The following PXDNL variants were observed in gnomAD, a reference collection of about 807,000 sequenced individuals.
PXDNL encodes peroxidasin like.
A neutral mutation model predicts 150.8 loss-of-function variants in PXDNL; 145 were observed. That is an observed-to-expected ratio of 0.96 (90% CI 0.84 to 1.10). The LOEUF (loss-of-function observed/expected upper bound fraction) is 1.10, where lower values mean the gene tolerates loss of function less well. PXDNL is among the 50% of genes least tolerant of loss of function. PXDNL has a pLI of 0.00. For missense variants in PXDNL, 2,087 were observed against 1,873.9 expected (o/e 1.11, Z -2.10); for synonymous variants, 757 against 725.7 (o/e 1.04, Z -0.69).
chr8:51,471,111 G>T (rs969745596), intron 8 of PXDNL, among the ~76,000 whole-genome samples: 3 of 103,010 alleles, frequency 2.9e-5, no homozygotes. Context: ...CTAATATCCA[G>T]AATCTACAAG....
chr8:51,647,294 TTCTC>T (rs1022689063), intron 2 of PXDNL, among the ~76,000 whole-genome samples: 71 of 152,206 alleles, frequency 4.7e-4, no homozygotes, highest in African/African-American at 1.6e-3. Context: ...CCCCAGAAAT[TTCTC>T]TCTATTTCTG....
At chr8:51,654,615 T>C in intron 2 of PXDNL, 74 bp downstream of exon 2, 1 of 1,120,898 alleles carries the variant, frequency 8.9e-7, no homozygotes, top group Non-Finnish European at 1.3e-6. Context: ...ACACTCAGAA[T>C]GACTTTCACG....
chr8:51,487,305 T>C (rs1460237436), intron 5 of PXDNL, among the ~76,000 whole-genome samples: 1 of 152,022 alleles, frequency 6.6e-6, no homozygotes, highest in Non-Finnish European at 1.5e-5. Flanking sequence ...AAAGTAAATC[T>C]TCTGCCTAAG....
chr8:51,400,209 A>G (rs933262663), intron 17 of PXDNL, among the ~76,000 whole-genome samples: 2 of 152,150 alleles, frequency 1.3e-5, no homozygotes, highest in African/African-American at 4.8e-5. Context: ...CACCAAATTC[A>G]TTTATGTTTC....
chr8:51,731,283 G>A (rs1482147969), intron 1 of PXDNL, among the ~76,000 whole-genome samples: 1 of 152,216 alleles, frequency 6.6e-6, no homozygotes, highest in East Asian at 1.9e-4. Flanking sequence ...AGGTGTTACA[G>A]ACCCCATGCA....
chr8:51,531,385 T>C (rs868427), intron 4 of PXDNL, among the ~76,000 whole-genome samples: 41,250 of 152,032 alleles, frequency 0.27, 8,402 homozygotes, highest in African/African-American at 0.57. Flanking sequence ...TCCGCCCCAC[T>C]GCCCACAGCA....
intron 21 of PXDNL, among the ~76,000 whole-genome samples, chr8:51,326,155 T>C (rs1805478236): frequency 6.6e-6 from 1 of 152,210 alleles, no homozygotes; most frequent in Admixed American, 6.5e-5. Context: ...CTGAGTCATC[T>C]TATGTTTGTT....
chr8:51,757,084 A>AT (rs888150575), intron 1 of PXDNL, among the ~76,000 whole-genome samples: 17 of 151,798 alleles, frequency 1.1e-4, no homozygotes, highest in South Asian at 6.3e-4. Context: ...TCTGATAGTG[A>AT]TTTTTTTTTA....
intron 20 of PXDNL, among the ~76,000 whole-genome samples, chr8:51,342,566 G>A (rs140669860): frequency 4.1e-4 from 62 of 152,160 alleles, no homozygotes; most frequent in Admixed American, 2.3e-3. Flanking sequence ...TAAAATCCAC[G>A]ATAGTCTCAA....
chr8:51,359,938 C>T (rs572278106), intron 19 of PXDNL, among the ~76,000 whole-genome samples: 9 of 150,914 alleles, frequency 6.0e-5, no homozygotes, highest in African/African-American at 2.0e-4. Flanking sequence ...CACTGTTCAG[C>T]GGGAAAAAGA....
intron 10 of PXDNL, among the ~76,000 whole-genome samples, chr8:51,451,348 G>T (rs923736228): frequency 6.6e-6 from 1 of 152,110 alleles, no homozygotes; most frequent in Non-Finnish European, 1.5e-5. Context: ...TTGCTAGGTC[G>T]ATGAAGAAAT....
intron 17 of PXDNL, among the ~76,000 whole-genome samples, chr8:51,381,990 G>A (rs1333418978): frequency 2.6e-5 from 4 of 152,044 alleles, no homozygotes; most frequent in Non-Finnish European, 5.9e-5. Context: ...GTGCAAGAAC[G>A]TGCAGGTTTG....
chr8:51,487,846 G>T (rs1810800275), intron 5 of PXDNL, among the ~76,000 whole-genome samples: 1 of 152,152 alleles, frequency 6.6e-6, no homozygotes, highest in Non-Finnish European at 1.5e-5. Context: ...AGGTGTTAGA[G>T]GTTAGTACTT....
chr8:51,665,538 G>A (rs979266002), intron 1 of PXDNL, among the ~76,000 whole-genome samples: 4 of 152,190 alleles, frequency 2.6e-5, no homozygotes, highest in Non-Finnish European at 1.5e-5. Flanking sequence ...TTGAAGAGCA[G>A]GGAAATGTCT....
At position 51,371,886 on chromosome 8, in the gene PXDNL, T is replaced by A. The variant is rs758211662; in HGVS notation, c.3888A>T (p.Gln1296His). 1 of 1,613,808 alleles carries A rather than the reference T, an allele frequency of 6.2e-7. No homozygotes were observed. Among genetic ancestry groups the A allele is most frequent in the East Asian group, 2.2e-5 (1 of 44,886 alleles). ...EIPKVDLRVW[Q>H]DCCADCRSRG... ...ATTATTACTGACCTGCACAGCAGTC[T>A]TGCCACACTCGCAGGTCCACCTTCG... The change falls in exon 19 of 23, where the codon CAA becomes CAT. Residue 1296 changes from glutamine (Q) to histidine (H), a missense_variant. Transcript: ENST00000356297.
At chr8:51,328,064 T>C (rs1279577855) in intron 21 of PXDNL, among the ~76,000 whole-genome samples, 2 of 152,194 alleles carry the variant, frequency 1.3e-5, no homozygotes, top group Non-Finnish European at 2.9e-5. Context: ...CCCTCCATAA[T>C]GTGGGTGGGC....
At chr8:51,496,141 A>C (rs1381696808) in intron 5 of PXDNL, among the ~76,000 whole-genome samples, 4 of 152,224 alleles carry the variant, frequency 2.6e-5, no homozygotes, top group African/African-American at 7.2e-5. Context: ...GAAATCAATA[A>C]ATGTAATCCA....
chr8:51,453,908 C>T (rs773711870), intron 9 of PXDNL, 123 bp from the exon 10 acceptor site: 220 of 783,366 alleles, frequency 2.8e-4, no homozygotes, highest in Middle Eastern at 3.9e-4. Context: ...AAATATTACA[C>T]ATATATATAT....
intron 1 of PXDNL, among the ~76,000 whole-genome samples, chr8:51,784,609 G>A (rs995374854): frequency 2.0e-5 from 3 of 152,124 alleles, no homozygotes; most frequent in South Asian, 2.1e-4. Flanking sequence ...GATCAACGTC[G>A]CATGGAAACA....
Sources: gnomAD v4.1 joint callset for allele counts (sites outside exome capture counted in the v4.1 genomes callset) on GRCh38, gnomAD v4.1.1 for gene constraint, MANE v1.5 for transcripts, NCBI Gene and HGNC (gene_info 2026-07-23, HGNC 2026-07-21) for gene names.